MPZL3: variants seen among roughly 807,000 people sequenced by gnomAD.
MPZL3 encodes myelin protein zero like 3.
MPZL3 carries 23 observed loss-of-function variants against 24.8 expected under a neutral mutation model. That is an observed-to-expected ratio of 0.93 (90% CI 0.67 to 1.31). The LOEUF (loss-of-function observed/expected upper bound fraction) is 1.31. MPZL3 is among the 40% of genes most tolerant of loss of function. The pLI is 0.00. For missense variants in MPZL3, 277 were observed against 294.9 expected, an observed-to-expected ratio of 0.94 and a Z score of 0.44; for synonymous variants, 99 against 106.5, an observed-to-expected ratio of 0.93 and a Z score of 0.44.
intron 3 of MPZL3, 61 bp from the exon 4 acceptor site, chr11:118,235,650 G>T: frequency 6.5e-7 from 1 of 1,528,010 alleles, no homozygotes; most frequent in South Asian, 1.2e-5. Context: ...CCTGCGACAT[G>T]AGCAACTAGG....
At chr11:118,240,783 A>ACACACACTCT (rs1418485892) in intron 1 of MPZL3, among the ~76,000 whole-genome samples, 10 of 140,440 alleles carry the variant, frequency 7.1e-5, no homozygotes, top group Admixed American at 3.6e-4. Context: ...ACACACACAC[A>ACACACACTCT]CTCTGGGAAT....
intron 1 of MPZL3, among the ~76,000 whole-genome samples, chr11:118,251,121 AAGAGAGAG>A (rs141456931): frequency 8.1e-6 from 1 of 123,362 alleles, no homozygotes; most frequent in Non-Finnish European, 1.7e-5. Context: ...GTGTGTGTGA[AAGAGAGAG>A]AGAGAGGACT....
intron 1 of MPZL3, among the ~76,000 whole-genome samples, chr11:118,242,338 G>A (rs1484747689): frequency 2.0e-5 from 3 of 152,132 alleles, no homozygotes; most frequent in Non-Finnish European, 4.4e-5. Context: ...TTTTGATCAT[G>A]TTGTTCATTT....
chr11:118,246,434 C>CTTT (rs34345916), intron 1 of MPZL3, among the ~76,000 whole-genome samples: 2 of 147,852 alleles, frequency 1.4e-5, no homozygotes, highest in Non-Finnish European at 3.0e-5. Context: ...TAATAATACC[C>CTTT]TTTTTTTTTT....
At chr11:118,240,732 GACAC>G (rs56100329) in intron 1 of MPZL3, among the ~76,000 whole-genome samples, 4,279 of 121,486 alleles carry the variant, frequency 0.035, 77 homozygotes, top group East Asian at 0.071. Flanking sequence ...ATCCCCCGCA[GACAC>G]ACACACACAC....
intron 1 of MPZL3, among the ~76,000 whole-genome samples, chr11:118,248,202 G>A (rs939842651): frequency 3.3e-5 from 5 of 150,222 alleles, no homozygotes; most frequent in African/African-American, 1.2e-4. Context: ...TTTTAGTAGA[G>A]ACAGGGTTTC....
intron 1 of MPZL3, among the ~76,000 whole-genome samples, chr11:118,242,229 A>G (rs1448378694): frequency 6.6e-6 from 1 of 152,206 alleles, no homozygotes; most frequent in Non-Finnish European, 1.5e-5. Flanking sequence ...TAACCAGTTC[A>G]AGCTTCAATG....
intron 1 of MPZL3, among the ~76,000 whole-genome samples, chr11:118,240,665 TAC>T (rs1949483156): frequency 6.6e-6 from 1 of 151,266 alleles, no homozygotes; most frequent in Admixed American, 6.6e-5. Context: ...TTCAATTAAG[TAC>T]AAACAATGGG....
In MPZL3 at chr11:118,252,229, G is replaced by A. The variant is rs376024409; in HGVS notation, c.66C>T (p.Phe22=). Residue 22 remains phenylalanine (F), a synonymous_variant, in exon 1 of 6, where the codon TTC becomes TTT. Transcript: ENST00000278949. ...GCCAGCCGGAGCACTCACCCTGGAA[G>A]AACAGGACGCCCAGCAGAGGGAAGA... ...CALFPLLGVL[F]FQGVYIVFSL... is the part of the protein sequence containing the mutation. 1.0e-4 allele frequency: 162 copies of A among 1,613,666 alleles called. No homozygotes were observed. The highest frequency in any genetic ancestry group is 1.3e-4 in the Non-Finnish European group (150 of 1,179,972).
intron 2 of MPZL3, among the ~76,000 whole-genome samples, chr11:118,238,935 C>A (rs948126078): frequency 6.6e-6 from 1 of 152,294 alleles, no homozygotes; most frequent in African/African-American, 2.4e-5. Flanking sequence ...TGTGTATCCT[C>A]GAGATTAGTC....
chr11:118,233,362 C>T (rs1015676004), intron 5 of MPZL3, 98 bp downstream of exon 5: 16 of 1,345,494 alleles, frequency 1.2e-5, no homozygotes, highest in African/African-American at 2.9e-5. Context: ...GACCTACCTG[C>T]ATATCCTCTG....
chr11:118,245,921 T>C (rs1949552082), intron 1 of MPZL3, among the ~76,000 whole-genome samples: 1 of 152,222 alleles, frequency 6.6e-6, no homozygotes, highest in Non-Finnish European at 1.5e-5. Context: ...CCAGAGACCA[T>C]GTAGCCCACA....
chr11:118,249,104 G>A (rs939208654), intron 1 of MPZL3, among the ~76,000 whole-genome samples: 4 of 152,032 alleles, frequency 2.6e-5, no homozygotes, highest in African/African-American at 9.7e-5. Flanking sequence ...GTGCAGTGGC[G>A]TGATCTTGGC....
intron 5 of MPZL3, among the ~76,000 whole-genome samples, chr11:118,231,834 G>T (rs1949356172): frequency 6.6e-6 from 1 of 151,952 alleles, no homozygotes; most frequent in Admixed American, 6.6e-5. Context: ...CCACCACCCT[G>T]GTCCAAACTA....
intron 1 of MPZL3, among the ~76,000 whole-genome samples, chr11:118,240,732 GAC>G (rs56100329): frequency 0.054 from 6,538 of 121,432 alleles, 193 homozygotes; most frequent in African/African-American, 0.1. Flanking sequence ...ATCCCCCGCA[GAC>G]ACACACACAC....
At chr11:118,245,369 A>G (rs1275133368) in intron 1 of MPZL3, among the ~76,000 whole-genome samples, 1 of 151,952 alleles carries the variant, frequency 6.6e-6, no homozygotes, top group Non-Finnish European at 1.5e-5. Flanking sequence ...AAAGTGAATG[A>G]GTGAATATGG....
At chr11:118,231,176 T>C (rs983974606) in intron 5 of MPZL3, among the ~76,000 whole-genome samples, 4 of 152,206 alleles carry the variant, frequency 2.6e-5, no homozygotes, top group African/African-American at 9.6e-5. Context: ...AGGTCACCAA[T>C]GACCTCCATA....
At chr11:118,235,068 G>A (rs1045857436) in intron 4 of MPZL3, among the ~76,000 whole-genome samples, 1 of 152,122 alleles carries the variant, frequency 6.6e-6, no homozygotes, top group Non-Finnish European at 1.5e-5. Flanking sequence ...TTTCTGTCAG[G>A]AGACATCATC....
intron 5 of MPZL3, among the ~76,000 whole-genome samples, chr11:118,231,784 A>C (rs1949355038): frequency 2.0e-5 from 3 of 152,126 alleles, no homozygotes; most frequent in Admixed American, 2.0e-4. Context: ...TTACCTTCAA[A>C]CTATAATCAG....
Sources: gnomAD v4.1 joint callset for allele counts (sites outside exome capture counted in the v4.1 genomes callset) on GRCh38, gnomAD v4.1.1 for gene constraint, MANE v1.5 for transcripts, NCBI Gene and HGNC (gene_info 2026-07-23, HGNC 2026-07-21) for gene names.